Variants in FCHO2 observed in about 807,000 individuals in gnomAD.
FCHO2 encodes F-BAR domain only protein 2.
Under a neutral mutation model 114.1 loss-of-function variants are expected in FCHO2, and 43 were observed. The observed-to-expected ratio is 0.38, with a 90% CI of 0.30 to 0.49. The LOEUF is 0.49. Among genes scored for constraint, FCHO2 ranks in the 20% least tolerant of loss-of-function variants. FCHO2 has a pLI of 0.97. For missense variants in FCHO2, 807 were observed against 950.4 expected, an observed-to-expected ratio of 0.85 and a Z score of 1.98; for synonymous variants, 293 against 315.2, an observed-to-expected ratio of 0.93 and a Z score of 0.75.
chr5:73,082,078 A>C, intron 23 of FCHO2, 96 bp downstream of exon 23: 1 of 1,204,778 alleles, frequency 8.3e-7, no homozygotes, highest in Non-Finnish European at 1.1e-6. Context: ...AGAAGTTTGA[A>C]AAATTTTTGT....
At chr5:72,977,576 C>A (rs1034634234) in intron 2 of FCHO2, among the ~76,000 whole-genome samples, 36 of 152,142 alleles carry the variant, frequency 2.4e-4, no homozygotes, top group African/African-American at 8.2e-4. Flanking sequence ...GTTGCCTGTT[C>A]ACTCTGATGA....
intron 17 of FCHO2, among the ~76,000 whole-genome samples, chr5:73,062,947 T>C (rs1382017591): frequency 6.6e-6 from 1 of 152,062 alleles, no homozygotes; most frequent in African/African-American, 2.4e-5. Flanking sequence ...ACCCATTATA[T>C]TTTTCAGTCT....
rs183005587 is a variant in FCHO2 at position 72,995,640 on chromosome 5, G to A, written c.495+4776G>A. Reference sequence around the variant, plus strand: ...GAGGTTGAGGGGCCACATCTAGTGAGAGCCTTCTTGCTTGTGGGGAGTCTG... The same window carrying A: ...GAGGTTGAGGGGCCACATCTAGTGAAAGCCTTCTTGCTTGTGGGGAGTCTG... On this transcript the variant is annotated intron_variant, in intron 5 of 25. Transcript: ENST00000430046. Among the ~76,000 whole-genome samples, 244 of 152,234 alleles carry A rather than the reference G, an allele frequency of 1.6e-3. 2 individuals carry two copies. Among genetic ancestry groups the A allele is most frequent in the African/African-American group, 5.5e-3 (230 of 41,550 alleles).
At chr5:73,034,584 T>C in intron 8 of FCHO2, 73 bp from the exon 9 acceptor site, 1 of 1,183,782 alleles carries the variant, frequency 8.4e-7, no homozygotes, top group Non-Finnish European at 1.2e-6. Context: ...AAATTTAAAA[T>C]GTAAAAAAAA....
chr5:73,054,986 A>G (rs1757523759), intron 15 of FCHO2: 1 of 250,476 alleles, frequency 4.0e-6, no homozygotes, highest in Admixed American at 4.4e-5. Flanking sequence ...TACCTTTTGC[A>G]GAATCATGCA....
At chr5:73,050,584 T>G (rs1256949532) in intron 11 of FCHO2, among the ~76,000 whole-genome samples, 2 of 152,188 alleles carry the variant, frequency 1.3e-5, no homozygotes, top group Non-Finnish European at 2.9e-5. Flanking sequence ...CCAAAAGTGC[T>G]GGAACTACAG....
At chr5:73,043,624 A>C (rs1328394867) in intron 11 of FCHO2, among the ~76,000 whole-genome samples, 1 of 152,158 alleles carries the variant, frequency 6.6e-6, no homozygotes, top group East Asian at 1.9e-4. Flanking sequence ...TGGTTAAATA[A>C]ATTGGTGGGG....
intron 2 of FCHO2, among the ~76,000 whole-genome samples, chr5:72,976,546 T>A (rs1752892354): frequency 6.6e-6 from 1 of 152,184 alleles, no homozygotes; most frequent in Non-Finnish European, 1.5e-5. Context: ...GCTGTGTATC[T>A]TCTTTAGTGA....
rs578115815 is a variant in FCHO2, at chr5:73,051,573, T to G, written c.997+167T>G. ...TGTTGTTGTTGTTTTTTGTTTTTTT[T>G]GGGTTTTTTTTGAGACAGAGTCTCG... On this transcript the variant is annotated intron_variant, in intron 12 of 25. Coordinates refer to ENST00000430046, the MANE Select transcript of FCHO2 (RefSeq NM_138782.3). 1.2e-4 allele frequency among the ~76,000 whole-genome samples: 18 copies of G among 152,244 alleles called. No homozygotes were observed. In the South Asian group the frequency reaches 2.7e-3, roughly 23 times the overall value.
intron 11 of FCHO2, among the ~76,000 whole-genome samples, chr5:73,043,910 A>G (rs1390815463): frequency 6.6e-6 from 1 of 151,998 alleles, no homozygotes; most frequent in Non-Finnish European, 1.5e-5. Context: ...TGTGACTTGG[A>G]TTTGTGTCTC....
At chr5:72,971,332 TC>T (rs1188971819) in intron 2 of FCHO2, among the ~76,000 whole-genome samples, 1 of 151,232 alleles carries the variant, frequency 6.6e-6, no homozygotes, top group Non-Finnish European at 1.5e-5. Flanking sequence ...GTAAAAGTGT[TC>T]CTATTTCTCC....
Position 72,989,551 on chromosome 5 carries a change from A to C in FCHO2, c.200+50A>C, listed in dbSNP as rs751562610. The C allele has an allele frequency of 7.7e-5, 114 of 1,476,530 alleles. 3 individuals are homozygous for C. The South Asian group carries it at 1.2e-3, about 16-fold the overall frequency. 91.5% of individuals were successfully genotyped at this position (1,476,530 alleles called of 1,614,324 possible). A position where few individuals can be genotyped will look rare whatever the true frequency, so the allele number is the denominator to read the frequency against. On this transcript the variant is annotated intron_variant, in intron 3 of 25. Coordinates refer to ENST00000430046, the MANE Select transcript of FCHO2 (RefSeq NM_138782.3). ...CAGTGTTTATTTAGGCAAAGTTCTT[A>C]AGGATTCTAGGTTCCTTTTGAGGAC...
At chr5:73,035,456 C>A (rs1756451021) in intron 9 of FCHO2, among the ~76,000 whole-genome samples, 1 of 152,048 alleles carries the variant, frequency 6.6e-6, no homozygotes. Flanking sequence ...ATTTCTTCAT[C>A]TGTAAGATGA....
At chr5:73,020,170 A>T (rs1424529834) in intron 8 of FCHO2, among the ~76,000 whole-genome samples, 1 of 152,260 alleles carries the variant, frequency 6.6e-6, no homozygotes, top group Admixed American at 6.5e-5. Context: ...TACATAGGGC[A>T]TAGCAGTGCC....
At chr5:72,976,543 A>G (rs1752892134) in intron 2 of FCHO2, among the ~76,000 whole-genome samples, 1 of 151,996 alleles carries the variant, frequency 6.6e-6, no homozygotes, top group African/African-American at 2.4e-5. Context: ...CCAGCTGTGT[A>G]TCTTCTTTAG....
chr5:73,006,403 G>T, intron 5 of FCHO2, 42 bp from the exon 6 acceptor site: 1 of 1,230,366 alleles, frequency 8.1e-7, no homozygotes, highest in Non-Finnish European at 1.1e-6. Context: ...AAGAAAAAAG[G>T]TCAATGCACA....
intron 5 of FCHO2, among the ~76,000 whole-genome samples, chr5:72,996,048 G>T (rs536819693): frequency 1.9e-4 from 29 of 152,184 alleles, no homozygotes; most frequent in Non-Finnish European, 3.4e-4. Flanking sequence ...TTCAAGACTA[G>T]CCTGGCCAAC....
rs772580984 is a variant in FCHO2 at position 72,989,455 on chromosome 5, T to A, written c.154T>A (p.Ser52Thr). Reference protein sequence around the residue: ...RATIEEAYSRSMTKLAKSASN... With the variant: ...RATIEEAYSRTMTKLAKSASN... ...TACCATAGAGGAGGCATACTCCAGG[T>A]CAATGACAAAACTAGCAAAATCTGC... is the stretch of plus-strand genomic sequence containing the variant. Residue 52 changes from serine (S) to threonine (T), a missense_variant, in exon 3 of 26, where the codon TCA (serine) becomes ACA (threonine). Physicochemically the swap from Ser to Thr is moderately conservative, Grantham distance 58. Transcript: ENST00000430046. The A allele has an allele frequency of 6.8e-6, 11 of 1,607,436 alleles. No homozygotes were observed. The highest frequency in any genetic ancestry group is 9.3e-6 in the Non-Finnish European group (11 of 1,176,668).
intron 2 of FCHO2, among the ~76,000 whole-genome samples, chr5:72,972,882 G>A (rs1416396651): frequency 2.6e-5 from 4 of 152,048 alleles, no homozygotes; most frequent in Non-Finnish European, 2.9e-5. Context: ...TCCCATCAAT[G>A]CCTAATTTAT....
Sources: gnomAD v4.1 joint callset for allele counts (sites outside exome capture counted in the v4.1 genomes callset) on GRCh38, gnomAD v4.1.1 for gene constraint, MANE v1.5 for transcripts, NCBI Gene and HGNC (gene_info 2026-07-23, HGNC 2026-07-21) for gene names.